AMDHD2: variants seen among roughly 807,000 people sequenced by gnomAD.
The protein encoded by AMDHD2 is amidohydrolase domain containing 2, also known as N-acetylglucosamine-6-phosphate deacetylase.
A neutral mutation model predicts 41.8 loss-of-function variants in AMDHD2; 24 were observed. The ratio of observed to expected loss-of-function variants is 0.57; its 90% CI spans 0.42 to 0.81. The LOEUF is 0.81. AMDHD2 is among the 30% of genes least tolerant of loss of function. AMDHD2 has a pLI of 0.00. For synonymous variants in AMDHD2, 332 were observed against 255.5 expected, an observed-to-expected ratio of 1.30 and a Z score of -2.85; for missense variants, 540 against 588.5, an observed-to-expected ratio of 0.92 and a Z score of 0.85.
chr16:2,530,103 G>A lies in AMDHD2; in HGVS notation c.*540G>A, dbSNP rs894660249. The A allele has an allele frequency of 8.4e-7, 1 of 1,187,994 alleles. No individual in the cohort carries two copies. The highest frequency in any genetic ancestry group is 1.6e-5 in the South Asian group (1 of 62,078). The allele number at this position is 1,187,994 out of a possible 1,614,324, so 73.6% of individuals were successfully genotyped here. A position where few individuals can be genotyped will look rare whatever the true frequency, so the allele number is the denominator to read the frequency against. Reference sequence around the variant, plus strand: ...GCCCACAGCCTGGTTCTGGGCCAGGGCACAGTGCCAGGGGCTCCGCTCTGA... The same window carrying A: ...GCCCACAGCCTGGTTCTGGGCCAGGACACAGTGCCAGGGGCTCCGCTCTGA... On this transcript the variant is annotated 3_prime_UTR_variant, in exon 11 of 11. Coordinates refer to ENST00000293971, the MANE Select transcript of AMDHD2 (RefSeq NM_001330449.2).
At position 2,528,085 on chromosome 16, in the gene AMDHD2, G is replaced by A. The variant is rs773656196; in HGVS notation, c.654G>A (p.Ala218=). The A allele has an allele frequency of 5.5e-5, 89 of 1,612,964 alleles. No homozygotes were observed. The highest frequency in any genetic ancestry group is 2.0e-4 in the East Asian group (9 of 44,886). Residue 218 remains alanine (A), a synonymous_variant, in exon 6 of 11, where the codon GCG becomes GCA. Coordinates refer to ENST00000293971, the MANE Select transcript of AMDHD2 (RefSeq NM_001330449.2). ...SLGHSVADLR[A]AEDAVWSGAT... is the part of the protein sequence containing the mutation. ...GGCACTCAGTGGCTGACCTGCGGGC[G>A]GCAGAGGATGCTGTGTGGAGCGGAG...
Position 2,527,435 on chromosome 16 carries a change from C to A in AMDHD2, c.361-126C>A. The A allele has an allele frequency of 1.0e-6, 1 of 981,040 alleles. No individual in the cohort carries two copies. The highest frequency in any genetic ancestry group is 1.6e-6 in the Non-Finnish European group (1 of 644,962). The allele number at this position is 981,040 out of a possible 1,614,324, so 60.8% of individuals were successfully genotyped here. On this transcript the variant is annotated intron_variant, in intron 3 of 10. Transcript: ENST00000293971. This position sits in a 1 kb window ranked among gnomAD's most constrained non-coding sequence, Gnocchi z 6.1. ...GCTTTCCCTGACCCCTGTGAGGGGA[C>A]AGGCGGCCGGGGCTGGGCTGGGTGC...
intron 1 of AMDHD2, 99 bp downstream of exon 1, chr16:2,520,640 GGCGGGGT>G (rs1327256790): frequency 2.6e-6 from 3 of 1,138,574 alleles, no homozygotes; most frequent in Middle Eastern, 3.4e-4. Context: ...CCGGGGACAG[GGCGGGGT>G]GCAGGGTGCG....
chr16:2,521,626 C>T (rs1377883931), intron 3 of AMDHD2, among the ~76,000 whole-genome samples: 2 of 151,978 alleles, frequency 1.3e-5, no homozygotes, highest in African/African-American at 2.4e-5. Flanking sequence ...TGTCCTTGGT[C>T]TTTTTTTATT....
chr16:2,529,672 C>A lies in AMDHD2; in HGVS notation c.*109C>A. The A allele has an allele frequency of 1.3e-6, 2 of 1,548,182 alleles. No individual in the cohort carries two copies. The highest frequency in any genetic ancestry group is 1.7e-6 in the Non-Finnish European group (2 of 1,151,014). ...AGTCGGGAGCCCTGCTGGATTGATG[C>A]CCAGGGCCTGTGCGGCCGCCCTGGA... is the stretch of plus-strand genomic sequence containing the variant. On this transcript the variant is annotated 3_prime_UTR_variant, in exon 11 of 11. Transcript: ENST00000293971.
Position 2,530,072 on chromosome 16 carries a change from C to G in AMDHD2, c.*509C>G. 1.1e-6 allele frequency: 1 copy of G among 913,728 alleles called. No homozygotes were observed. Among genetic ancestry groups the G allele is most frequent in the Non-Finnish European group, 1.6e-6 (1 of 625,686 alleles). 56.6% of individuals were successfully genotyped at this position (913,728 alleles called of 1,614,324 possible). ...TCTGCTCCTGAGTTGGGGTGTGCAG[C>G]GTGGAGCCCACAGCCTGGTTCTGGG... On this transcript the variant is annotated 3_prime_UTR_variant, in exon 11 of 11. Coordinates refer to ENST00000293971, the MANE Select transcript of AMDHD2 (RefSeq NM_001330449.2).
intron 3 of AMDHD2, among the ~76,000 whole-genome samples, chr16:2,525,864 A>G (rs2065997516): frequency 6.6e-6 from 1 of 152,080 alleles, no homozygotes; most frequent in Non-Finnish European, 1.5e-5. Context: ...TTTTTAGTAG[A>G]GATGGGGTTT....
intron 3 of AMDHD2, among the ~76,000 whole-genome samples, chr16:2,521,814 C>T (rs1435545552): frequency 1.6e-5 from 2 of 125,658 alleles, no homozygotes; most frequent in Non-Finnish European, 3.1e-5. Context: ...GACGGAGTCT[C>T]GCTCTGTCGC....
rs768251790 is a variant in AMDHD2, at chr16:2,521,078, C to T, written c.315C>T (p.Ser105=). ...GGATCCTGTCGCACGGCGTCACCTC[C>T]TTCTGCCCCACCCTGGTCACTTCCC... ...ARRILSHGVT[S]FCPTLVTSPP... is the part of the protein sequence containing the mutation. The change falls in exon 3 of 11, where the codon TCC becomes TCT. Residue 105 remains serine (S), a synonymous_variant. Transcript: ENST00000293971. 5.0e-6 allele frequency: 8 copies of T among 1,610,880 alleles called. No homozygotes were observed. Among genetic ancestry groups the T allele is most frequent in the South Asian group, 2.2e-5 (2 of 90,510 alleles).
chr16:2,522,957 C>T (rs2065961128), intron 3 of AMDHD2, among the ~76,000 whole-genome samples: 3 of 151,498 alleles, frequency 2.0e-5, no homozygotes. Context: ...GATTCTCCTG[C>T]CTCAGTCGCC....
At position 2,530,041 on chromosome 16, in the gene AMDHD2, T is replaced by A. The variant is rs755729240; in HGVS notation, c.*478T>A. The A allele has an allele frequency of 1.7e-4, 133 of 785,006 alleles. No homozygotes were observed. Among genetic ancestry groups the A allele is most frequent in the Non-Finnish European group, 2.3e-4 (119 of 512,026 alleles). 48.6% of individuals were successfully genotyped at this position (785,006 alleles called of 1,614,324 possible). ...ACAGGGAGTGTGGACAGTCAGGGGTTTGCTTTCTGCTCCTGAGTTGGGGTG... is the reference window on the plus strand; with the variant it reads ...ACAGGGAGTGTGGACAGTCAGGGGTATGCTTTCTGCTCCTGAGTTGGGGTG... On this transcript the variant is annotated 3_prime_UTR_variant, in exon 11 of 11. Coordinates refer to ENST00000293971, the MANE Select transcript of AMDHD2 (RefSeq NM_001330449.2).
Position 2,530,868 on chromosome 16 carries a change from G to A in AMDHD2, c.*1305G>A, listed in dbSNP as rs2066084028. ...GATCCTGACCTCCTGAGAGGTGTGA[G>A]GTGCAGGGATACCCACCTCTGCCTT... On this transcript the variant is annotated 3_prime_UTR_variant, in exon 11 of 11. Coordinates refer to ENST00000293971, the MANE Select transcript of AMDHD2 (RefSeq NM_001330449.2). 4.3e-6 allele frequency: 7 copies of A among 1,613,550 alleles called. No individual in the cohort carries two copies. Among genetic ancestry groups the A allele is most frequent in the Non-Finnish European group, 5.1e-6 (6 of 1,180,012 alleles).
At chr16:2,522,164 G>A (rs1344851233) in intron 3 of AMDHD2, among the ~76,000 whole-genome samples, 1 of 152,134 alleles carries the variant, frequency 6.6e-6, no homozygotes, top group Non-Finnish European at 1.5e-5. Flanking sequence ...GCCCATTGCA[G>A]CCTCATTCTT....
intron 3 of AMDHD2, among the ~76,000 whole-genome samples, chr16:2,524,652 C>A (rs953620443): frequency 1.3e-5 from 2 of 152,132 alleles, no homozygotes; most frequent in South Asian, 2.1e-4. Context: ...AAAACAGCGG[C>A]CCTTTGCCCC....
At position 2,528,391 on chromosome 16, in the gene AMDHD2, GCAGGTGGC is replaced by G; in HGVS notation, c.862+16_862+23del. ...GTGCCCATCCCCAGGGTAAGCTGCG[GCAGGTGGC>G]CAGGACAGGTAGGATGACTGGGCTA... On this transcript the variant is annotated intron_variant, in intron 7 of 10. Transcript: ENST00000293971. 1 of 1,612,890 alleles carries G rather than the reference GCAGGTGGC, an allele frequency of 6.2e-7. No homozygotes were observed. The highest frequency in any genetic ancestry group is 8.5e-7 in the Non-Finnish European group (1 of 1,179,946).
rs1025279985 is a variant in AMDHD2 at position 2,531,278 on chromosome 16, G to C, written c.*1715G>C. The C allele has an allele frequency of 3.2e-6, 2 of 625,070 alleles. No individual in the cohort carries two copies. Among genetic ancestry groups the C allele is most frequent in the Non-Finnish European group, 5.6e-6 (2 of 357,784 alleles). The allele number at this position is 625,070 out of a possible 1,614,324, so 38.7% of individuals were successfully genotyped here. On this transcript the variant is annotated 3_prime_UTR_variant, in exon 11 of 11. Coordinates refer to ENST00000293971, the MANE Select transcript of AMDHD2 (RefSeq NM_001330449.2). ...GCTAGCCCTGGGTGGTGGGAGAGGG[G>C]CCCAGGGTCAGGGTGAGAGAGAGCT...
chr16:2,530,486 C>CT lies in AMDHD2; in HGVS notation c.*923_*924insT, dbSNP rs761326555. On this transcript the variant is annotated 3_prime_UTR_variant, in exon 11 of 11. Coordinates refer to ENST00000293971, the MANE Select transcript of AMDHD2 (RefSeq NM_001330449.2). ...TGAGGACAGCCACAGTGGGGTCAGA[C>CT]GTCAGGGATTGGTGCAGCCCCACGT... The CT allele has an allele frequency of 3.1e-6, 5 of 1,614,016 alleles. No homozygotes were observed. Among genetic ancestry groups the CT allele is most frequent in the Non-Finnish European group, 1.7e-6 (2 of 1,179,996 alleles).
At position 2,527,888 on chromosome 16, in the gene AMDHD2, C is replaced by G; in HGVS notation, c.531C>G (p.Pro177=). ...AGGACTTGCTGGCCACCTACGGGCCCCTGGACAATGTCCGCATCGTGACGC... is the reference window on the plus strand; with the variant it reads ...AGGACTTGCTGGCCACCTACGGGCCGCTGGACAATGTCCGCATCGTGACGC... ...AFQDLLATYG[P]LDNVRIVTLA... Residue 177 remains proline (P), a synonymous_variant, in exon 5 of 11, where the codon CCC becomes CCG. Transcript: ENST00000293971. This position sits in a 1 kb window ranked among gnomAD's most constrained non-coding sequence, Gnocchi z 6.1. 6.3e-7 allele frequency: 1 copy of G among 1,596,544 alleles called. No homozygotes were observed. Among genetic ancestry groups the G allele is most frequent in the South Asian group, 1.1e-5 (1 of 90,746 alleles).
rs187293840 is a variant in AMDHD2, at chr16:2,526,916, G to A, written c.361-645G>A. ...TTGCACTCCAGCCTGGGCGACAAGA[G>A]GGAAACTCCATTCCAAAAAAACAAA... On this transcript the variant is annotated intron_variant, in intron 3 of 10. Transcript: ENST00000293971. Among the ~76,000 whole-genome samples the A allele has an allele frequency of 7.0e-4, 107 of 152,242 alleles. 1 individual carries two copies. The highest frequency in any genetic ancestry group is 2.2e-3 in the African/African-American group (93 of 41,550).
Sources: gnomAD v4.1 joint callset for allele counts (sites outside exome capture counted in the v4.1 genomes callset) on GRCh38, gnomAD v4.1.1 for gene constraint, Gnocchi (gnomAD v3.1) non-coding constraint, MANE v1.5 for transcripts, NCBI Gene and HGNC (gene_info 2026-07-23, HGNC 2026-07-21) for gene names.